The following RASEF variants were observed in gnomAD, a reference collection of about 807,000 sequenced individuals.
RASEF encodes RAS and EF-hand domain containing.
In RASEF, 68 loss-of-function variants were observed where a neutral mutation model predicts 90.1. That is an observed-to-expected ratio of 0.75 (90% CI 0.62 to 0.92). The LOEUF is 0.92. RASEF is among the 40% of genes least tolerant of loss of function. The pLI, the probability that RASEF is intolerant of heterozygous loss-of-function variation, is 0.00. For synonymous variants in RASEF, 331 were observed against 345.2 expected (o/e 0.96, Z 0.46); for missense variants, 949 against 937.2 (o/e 1.01, Z -0.16).
chr9:83,078,093 C>T, the RASEF span, among the ~76,000 whole-genome samples: 1 of 152,164 alleles, frequency 6.6e-6, no homozygotes, highest in African/African-American at 2.4e-5. Flanking sequence ...TTGTTAGAAA[C>T]TTTGAGGTGT....
At chr9:83,057,768 A>T (rs2117899533) in intron 1 of RASEF, among the ~76,000 whole-genome samples, 1 of 151,690 alleles carries the variant, frequency 6.6e-6, no homozygotes, top group Middle Eastern at 3.5e-3. Context: ...ACCAGACATT[A>T]CTGGCCATGA....
At chr9:83,126,832 C>A in the RASEF span, among the ~76,000 whole-genome samples, 1 of 152,134 alleles carries the variant, frequency 6.6e-6, no homozygotes, top group Non-Finnish European at 1.5e-5. Flanking sequence ...ACATAATTTT[C>A]TTTTAACATA....
the RASEF span, among the ~76,000 whole-genome samples, chr9:83,199,146 T>C: frequency 6.6e-6 from 1 of 150,440 alleles, no homozygotes; most frequent in Admixed American, 6.7e-5. Flanking sequence ...ACAAACTGGT[T>C]TGCACATTCG....
chr9:83,199,779 T>C, the RASEF span, among the ~76,000 whole-genome samples: 5 of 152,112 alleles, frequency 3.3e-5, no homozygotes, highest in Non-Finnish European at 7.3e-5. Context: ...CACAAATGCG[T>C]ATCTGATATA....
the RASEF span, among the ~76,000 whole-genome samples, chr9:83,072,046 C>T: frequency 6.6e-6 from 1 of 152,154 alleles, no homozygotes; most frequent in East Asian, 1.9e-4. Context: ...TTGAGACCAT[C>T]TTTAATCTTT....
chr9:83,183,451 A>G, the RASEF span, among the ~76,000 whole-genome samples: 4 of 152,178 alleles, frequency 2.6e-5, no homozygotes, highest in African/African-American at 9.6e-5. Flanking sequence ...ATAAGAAAGT[A>G]TATGAACTAG....
chr9:83,100,693 C>T, the RASEF span, among the ~76,000 whole-genome samples: 2 of 152,168 alleles, frequency 1.3e-5, no homozygotes, highest in Admixed American at 1.3e-4. Flanking sequence ...CTGTACCATA[C>T]CTCTTGCAAC....
At chr9:83,116,459 C>T in the RASEF span, among the ~76,000 whole-genome samples, 87 of 152,144 alleles carry the variant, frequency 5.7e-4, no homozygotes, top group African/African-American at 2.0e-3. Flanking sequence ...TTGCTTTATA[C>T]CTTGGTTTAG....
the RASEF span, among the ~76,000 whole-genome samples, chr9:83,192,915 C>A: frequency 6.6e-6 from 1 of 152,166 alleles, no homozygotes; most frequent in Non-Finnish European, 1.5e-5. Flanking sequence ...AATGACTTTA[C>A]TGTTGAAAAA....
chr9:83,062,760 C>T lies in RASEF; in HGVS notation c.108G>A (p.Leu36=). 6.4e-7 allele frequency: 1 copy of T among 1,566,684 alleles called. No individual in the cohort carries two copies. Residue 36 remains leucine (L), a synonymous_variant, in exon 1 of 17, where the codon CTG becomes CTA. Coordinates refer to ENST00000376447, the MANE Select transcript of RASEF (RefSeq NM_152573.4). The part of the protein sequence containing the change: ...GRLEREEFRA[L]CTELRVRPAD... ...CCGGCCGCACCCGCAGCTCCGTGCA[C>T]AGTGCCCGGAACTCCTCGCGCTCCA...
At chr9:83,144,384 AAAGAAAGGAAAGAAAGAAAGAAAGAAAG>A in the RASEF span, among the ~76,000 whole-genome samples, 9 of 49,882 alleles carry the variant, frequency 1.8e-4, no homozygotes, top group African/African-American at 9.0e-4. Context: ...AGAAAGAAAG[AAAGAAAGGAAAGAAAGAAAGAAAGAAAG>A]AAAGAAAAGA....
chr9:83,163,204 AT>A, the RASEF span, among the ~76,000 whole-genome samples: 25 of 152,236 alleles, frequency 1.6e-4, no homozygotes, highest in African/African-American at 6.0e-4. Context: ...GCATGGCCTC[AT>A]AAAAGACTGA....
the RASEF span, among the ~76,000 whole-genome samples, chr9:83,096,032 A>G: frequency 6.6e-6 from 1 of 152,130 alleles, no homozygotes; most frequent in Admixed American, 6.5e-5. Flanking sequence ...TGTAAGTAAA[A>G]AGGACTTAAT....
At chr9:83,019,153 T>A (rs1364636699) in intron 3 of RASEF, among the ~76,000 whole-genome samples, 1 of 152,070 alleles carries the variant, frequency 6.6e-6, no homozygotes, top group Non-Finnish European at 1.5e-5. Flanking sequence ...TTTATACTCT[T>A]ACTGTTAGGA....
Position 82,997,038 on chromosome 9 carries a change from T to A in RASEF, c.1894A>T (p.Ile632Leu). 1.2e-6 allele frequency: 2 copies of A among 1,608,016 alleles called. No individual in the cohort carries two copies. Among genetic ancestry groups the A allele is most frequent in the Non-Finnish European group, 1.7e-6 (2 of 1,174,470 alleles). The change falls in exon 14 of 17, where the codon ATA becomes TTA. Residue 632 changes from isoleucine to leucine, a missense_variant. This residue lies in a region of RASEF where 288 missense variants were observed against 328.4 expected (regional missense o/e 0.88). Transcript: ENST00000376447. ...DVTCEKSFLNIREWVDMIEDA... is the reference protein window; with the variant it reads ...DVTCEKSFLNLREWVDMIEDA... Reference sequence around the variant, plus strand: ...TCAATCATATCTACCCATTCTCGTATGTTAAGAAAGCTTTTCTCACATGTA... The same window carrying A: ...TCAATCATATCTACCCATTCTCGTAAGTTAAGAAAGCTTTTCTCACATGTA...
chr9:83,039,752 A>G (rs1461373128), intron 1 of RASEF, among the ~76,000 whole-genome samples: 3 of 152,100 alleles, frequency 2.0e-5, no homozygotes, highest in South Asian at 2.1e-4. Context: ...ATTGTTTTCA[A>G]TGGGGATGCG....
At chr9:82,996,946 A>G in intron 14 of RASEF, 66 bp downstream of exon 14, 1 of 890,290 alleles carries the variant, frequency 1.1e-6, no homozygotes, top group Non-Finnish European at 1.9e-6. Flanking sequence ...GAAGAGAGAC[A>G]GCATTTTCCA....
chr9:83,174,143 A>C, the RASEF span, among the ~76,000 whole-genome samples: 1 of 151,910 alleles, frequency 6.6e-6, no homozygotes, highest in Non-Finnish European at 1.5e-5. Flanking sequence ...GGAAGCACAA[A>C]AATTTTTAAA....
At chr9:83,109,223 C>A in the RASEF span, among the ~76,000 whole-genome samples, 3 of 152,146 alleles carry the variant, frequency 2.0e-5, no homozygotes, top group Admixed American at 6.5e-5. Flanking sequence ...ATTGTAGGAA[C>A]CTAATGAGTA....
Sources: gnomAD v4.1 joint callset for allele counts (sites outside exome capture counted in the v4.1 genomes callset) on GRCh38, gnomAD v4.1.1 for gene constraint, gnomAD v4.1.1 regional missense constraint, MANE v1.5 for transcripts, NCBI Gene and HGNC (gene_info 2026-07-23, HGNC 2026-07-21) for gene names.